The following LIN9 variants were observed in gnomAD, a reference collection of about 807,000 sequenced individuals.
LIN9 encodes lin-9 DREAM MuvB core complex component, also known as protein lin-9 homolog.
LIN9 carries 18 observed loss-of-function variants against 78.0 expected under a neutral mutation model. The observed-to-expected ratio is 0.23, with a 90% confidence interval of 0.16 to 0.34. The LOEUF is 0.34. Ranked by LOEUF, LIN9 falls within the 10% of genes least tolerant of loss-of-function variation. The pLI is 1.00. For missense variants in LIN9, 451 were observed against 644.1 expected, an observed-to-expected ratio of 0.70 and a Z score of 3.25; for synonymous variants, 192 against 215.2, an observed-to-expected ratio of 0.89 and a Z score of 0.94.
In LIN9 at chr1:226,287,782, T is replaced by C. The variant is rs780646977; in HGVS notation, c.280A>G (p.Met94Val). The C allele has an allele frequency of 3.7e-5, 57 of 1,552,070 alleles. No individual in the cohort carries two copies. The highest frequency in any genetic ancestry group is 4.9e-5 in the South Asian group (4 of 81,928). Residue 94 changes from methionine to valine, a missense_variant, in exon 5 of 15, where the codon ATG becomes GTG. Physicochemically the swap from Met to Val is conservative, Grantham distance 21. Coordinates refer to ENST00000681046, the MANE Select transcript of LIN9 (RefSeq NM_001366245.2). ...AMVPQKFTAT[M>V]STPDKKASQK... The stretch of plus-strand genomic sequence containing the variant: ...GAAGCTTTCTTATCTGGTGTTGACA[T>C]TGTTGCTGTAAATTTCTATACAATA...
chr1:226,256,959 T>C (rs574869320), intron 10 of LIN9, among the ~76,000 whole-genome samples: 1 of 152,090 alleles, frequency 6.6e-6, no homozygotes, highest in Admixed American at 6.5e-5. Context: ...AAATGATTTT[T>C]TTCTTTTTTT....
In LIN9 at chr1:226,233,347, A is replaced by G; in HGVS notation, c.1422T>C (p.Ile474=). 1 of 1,606,216 alleles carries G rather than the reference A, an allele frequency of 6.2e-7. No individual in the cohort carries two copies. Among genetic ancestry groups the G allele is most frequent in the Non-Finnish European group, 8.5e-7 (1 of 1,175,696 alleles). Reference sequence around the variant, plus strand: ...AAATATTTTCTCTAAGATTTACCTTAATTTGTAACAAAATAGCTGTAAGCC... The same window carrying G: ...AAATATTTTCTCTAAGATTTACCTTGATTTGTAACAAAATAGCTGTAAGCC... ...ISRLTAILLQ[I]KCLAEGGDLN... The change falls in exon 13 of 15, where the codon ATT becomes ATC. Residue 474 remains isoleucine (I), a synonymous_variant. Transcript: ENST00000681046.
At chr1:226,272,670 C>T (rs1254446277) in intron 7 of LIN9, among the ~76,000 whole-genome samples, 1 of 151,152 alleles carries the variant, frequency 6.6e-6, no homozygotes, top group Non-Finnish European at 1.5e-5. Flanking sequence ...TGTGTCTAGA[C>T]TTGCTGGCTC....
At chr1:226,276,745 T>C (rs1389653940) in intron 7 of LIN9, among the ~76,000 whole-genome samples, 1 of 152,190 alleles carries the variant, frequency 6.6e-6, no homozygotes, top group Admixed American at 6.6e-5. Context: ...ACTTAACTCC[T>C]TATTTCTTGT....
chr1:226,232,695 A>G, intron 14 of LIN9, 89 bp from the exon 15 acceptor site: 1 of 681,656 alleles, frequency 1.5e-6, no homozygotes, highest in Non-Finnish European at 2.5e-6. Flanking sequence ...TAGTTAGGAA[A>G]CAGCTATGAT....
At chr1:226,290,879 C>G (rs1434992200) in intron 4 of LIN9, among the ~76,000 whole-genome samples, 1 of 152,120 alleles carries the variant, frequency 6.6e-6, no homozygotes. Context: ...GCCTCAGCCT[C>G]CCGAGTAGCT....
chr1:226,238,649 AAAG>A (rs1037989021), intron 12 of LIN9, among the ~76,000 whole-genome samples: 1 of 152,182 alleles, frequency 6.6e-6, no homozygotes, highest in Non-Finnish European at 1.5e-5. Context: ...ATAAATAAAT[AAAG>A]AAGAAGAAAA....
Position 226,265,661 on chromosome 1 carries a change from AT to A in LIN9, c.937-28del. 8.5e-7 allele frequency: 1 copy of A among 1,172,036 alleles called. No individual in the cohort carries two copies. Among genetic ancestry groups the A allele is most frequent in the Non-Finnish European group, 1.3e-6 (1 of 787,190 alleles). 72.6% of individuals were successfully genotyped at this position (1,172,036 alleles called of 1,614,324 possible). ...TATGGGAATAAAAAGGAATTATTTAATCATTGACTATTCAGAGGAAGTATCT... is the reference window on the plus strand; with the variant it reads ...TATGGGAATAAAAAGGAATTATTTAACATTGACTATTCAGAGGAAGTATCT... On this transcript the variant is annotated intron_variant, in intron 9 of 14. Coordinates refer to ENST00000681046, the MANE Select transcript of LIN9 (RefSeq NM_001366245.2). This position sits in a 1 kb window ranked among gnomAD's most constrained non-coding sequence, Gnocchi z 4.1.
intron 10 of LIN9, among the ~76,000 whole-genome samples, chr1:226,256,718 C>T (rs1659220962): frequency 1.3e-5 from 2 of 151,508 alleles, no homozygotes; most frequent in South Asian, 4.2e-4. Context: ...ACCACCATGC[C>T]CAGCTAATTT....
chr1:226,238,082 G>A (rs1448877380), intron 12 of LIN9, among the ~76,000 whole-genome samples: 1 of 152,082 alleles, frequency 6.6e-6, no homozygotes, highest in Non-Finnish European at 1.5e-5. Flanking sequence ...CCCTGTAGTA[G>A]GAAACTCAAA....
intron 1 of LIN9, among the ~76,000 whole-genome samples, chr1:226,306,592 G>A (rs1662929926): frequency 6.6e-6 from 1 of 152,130 alleles, no homozygotes; most frequent in South Asian, 2.1e-4. Context: ...TAAAATGTGA[G>A]CACTTACATC....
intron 12 of LIN9, among the ~76,000 whole-genome samples, chr1:226,237,765 A>G (rs1003130972): frequency 6.6e-6 from 1 of 151,924 alleles, no homozygotes; most frequent in Non-Finnish European, 1.5e-5. Context: ...CTGGCCTATA[A>G]TATGGTGAAA....
chr1:226,275,358 C>G (rs1309030351), intron 7 of LIN9, among the ~76,000 whole-genome samples: 1 of 152,146 alleles, frequency 6.6e-6, no homozygotes, highest in Admixed American at 6.5e-5. Context: ...TTTGCTGACC[C>G]CTGCACTAGC....
intron 12 of LIN9, among the ~76,000 whole-genome samples, chr1:226,235,322 C>CCA (rs1657621497): frequency 1.7e-5 from 1 of 59,694 alleles, no homozygotes; most frequent in Admixed American, 2.3e-4. Context: ...AAATCCGTCT[C>CCA]AAAAAAAAAA....
chr1:226,303,582 CT>C (rs368578640), intron 1 of LIN9, among the ~76,000 whole-genome samples: 202 of 151,956 alleles, frequency 1.3e-3, no homozygotes, highest in African/African-American at 4.5e-3. Flanking sequence ...CACCTTTAAC[CT>C]TTTTTTTCTT....
At chr1:226,233,692 A>AT (rs1243232285) in intron 12 of LIN9, among the ~76,000 whole-genome samples, 169 bp from the exon 13 acceptor site, 1 of 152,144 alleles carries the variant, frequency 6.6e-6, no homozygotes, top group Non-Finnish European at 1.5e-5. Context: ...CTGATTTTCT[A>AT]TTTTTTGTAA....
intron 4 of LIN9, among the ~76,000 whole-genome samples, chr1:226,290,657 T>A (rs1038071451): frequency 1.3e-5 from 2 of 151,926 alleles, no homozygotes; most frequent in African/African-American, 4.8e-5. Context: ...TTTCTATATA[T>A]CAGATTAGCA....
At chr1:226,309,256 C>G (rs543330000), upstream of LIN9, 38 of 1,235,660 alleles carry the variant, frequency 3.1e-5, 1 homozygote, top group South Asian at 8.2e-4. Flanking sequence ...CGCCGCGCTG[C>G]GCTGCTCCCG....
chr1:226,233,635 A>T, intron 12 of LIN9, 112 bp from the exon 13 acceptor site: 2 of 685,924 alleles, frequency 2.9e-6, no homozygotes, highest in Non-Finnish European at 4.2e-6. Flanking sequence ...AGCATTTAAA[A>T]CTAAAGTGGT....
Sources: allele counts gnomAD v4.1 joint callset (sites outside exome capture counted in the v4.1 genomes callset), GRCh38; gene constraint gnomAD v4.1.1; non-coding constraint Gnocchi (gnomAD v3.1); transcripts MANE v1.5; gene names NCBI Gene and HGNC (gene_info 2026-07-23, HGNC 2026-07-21).